MGAT4C: variants seen among roughly 807,000 people sequenced by gnomAD.
The protein encoded by MGAT4C is MGAT4 family member C, also known as alpha-1,3-mannosyl-glycoprotein 4-beta-N-acetylglucosaminyltransferase C.
A neutral mutation model predicts 40.1 loss-of-function variants in MGAT4C; 19 were observed. That is an observed-to-expected ratio of 0.47 (90% CI 0.33 to 0.70). The LOEUF (loss-of-function observed/expected upper bound fraction) is 0.70, where lower values mean the gene tolerates loss of function less well. MGAT4C is among the 30% of genes least tolerant of loss of function. The pLI is 0.02. For synonymous variants in MGAT4C, 181 were observed against 187.1 expected (o/e 0.97, Z 0.27); for missense variants, 491 against 563.2 (o/e 0.87, Z 1.30).
At chr12:86,684,373 A>G (rs183956083) in intron 2 of MGAT4C, among the ~76,000 whole-genome samples, 1 of 152,196 alleles carries the variant, frequency 6.6e-6, no homozygotes, top group Non-Finnish European at 1.5e-5. Context: ...ATTAATTTTT[A>G]TGGCAGCATA....
At chr12:86,079,448 C>G (rs539388341) in intron 1 of MGAT4C, among the ~76,000 whole-genome samples, 2 of 152,238 alleles carry the variant, frequency 1.3e-5, no homozygotes, top group African/African-American at 4.8e-5. Flanking sequence ...AAATTCTGGA[C>G]TATGAGATCA....
chr12:86,772,027 A>G (rs1393727683), intron 1 of MGAT4C, among the ~76,000 whole-genome samples: 1 of 152,180 alleles, frequency 6.6e-6, no homozygotes, highest in East Asian at 1.9e-4. Flanking sequence ...AAAAGGAAGC[A>G]GTATCTGAAG....
chr12:86,782,331 G>A (rs1165673677), intron 1 of MGAT4C, among the ~76,000 whole-genome samples: 10 of 151,670 alleles, frequency 6.6e-5, no homozygotes, highest in Non-Finnish European at 1.2e-4. Context: ...ACAGGCGCCC[G>A]CCACTACGCC....
chr12:86,691,759 C>T (rs1950177313), intron 2 of MGAT4C, among the ~76,000 whole-genome samples: 1 of 151,740 alleles, frequency 6.6e-6, no homozygotes, highest in Admixed American at 6.6e-5. Flanking sequence ...AAACACACAC[C>T]CACATAAAAA....
intron 3 of MGAT4C, among the ~76,000 whole-genome samples, chr12:86,344,716 C>CGG (rs1187378587): frequency 3.2e-5 from 3 of 94,038 alleles, no homozygotes; most frequent in Admixed American, 1.2e-4. Flanking sequence ...TATCTCTTCT[C>CGG]GGTGTGTGTG....
intron 3 of MGAT4C, among the ~76,000 whole-genome samples, chr12:86,364,286 C>T (rs1955545026): frequency 6.6e-6 from 1 of 152,042 alleles, no homozygotes; most frequent in South Asian, 2.1e-4. Context: ...AACAATATCC[C>T]TCATGAACAT....
intron 2 of MGAT4C, among the ~76,000 whole-genome samples, chr12:86,705,705 T>C (rs577787855): frequency 9.9e-5 from 15 of 152,186 alleles, no homozygotes; most frequent in Non-Finnish European, 7.4e-5. Flanking sequence ...TTAGCATTGA[T>C]ATTTATGAAG....
At position 86,426,840 on chromosome 12, in the gene MGAT4C, G is replaced by A. The variant is rs373824166; in HGVS notation, c.-120+8317C>T. On this transcript the variant is annotated intron_variant, in intron 3 of 7. Transcript: ENST00000548651. The stretch of plus-strand genomic sequence containing the variant: ...CGGGCGCCTGTAGTCCCAGCCACTC[G>A]GGAGGCTGAGGCAGGAGAATGGCGT... 6.6e-5 allele frequency among the ~76,000 whole-genome samples: 10 copies of A among 152,104 alleles called. No individual in the cohort carries two copies. In the South Asian group the frequency reaches 1.0e-3, roughly 16 times the overall value.
intron 3 of MGAT4C, among the ~76,000 whole-genome samples, chr12:85,989,178 G>A (rs1443527800): frequency 6.6e-6 from 1 of 151,776 alleles, no homozygotes; most frequent in Admixed American, 6.6e-5. Flanking sequence ...GTACATATTT[G>A]GAGCACAAAA....
chr12:86,107,568 T>G (rs1022122301), intron 1 of MGAT4C, among the ~76,000 whole-genome samples: 7 of 152,274 alleles, frequency 4.6e-5, no homozygotes, highest in Admixed American at 3.3e-4. Context: ...TATAAAAAGT[T>G]TTTTCTTAGG....
chr12:86,031,633 C>T (rs940010951), intron 2 of MGAT4C, among the ~76,000 whole-genome samples: 1 of 151,800 alleles, frequency 6.6e-6, no homozygotes, highest in East Asian at 1.9e-4. Context: ...GGAAAATCAA[C>T]GTTCTAGCAG....
intron 2 of MGAT4C, among the ~76,000 whole-genome samples, chr12:86,018,375 A>G (rs1226376865): frequency 6.6e-6 from 1 of 152,180 alleles, no homozygotes; most frequent in African/African-American, 2.4e-5. Flanking sequence ...CGTCAGGGAA[A>G]ACATGAAAGA....
At chr12:86,740,430 T>C (rs1951050477) in intron 1 of MGAT4C, among the ~76,000 whole-genome samples, 1 of 151,280 alleles carries the variant, frequency 6.6e-6, no homozygotes, top group South Asian at 2.1e-4. Flanking sequence ...TGAAATAAAA[T>C]TGAAAGACTA....
At chr12:86,614,904 G>A (rs770922726) in intron 2 of MGAT4C, among the ~76,000 whole-genome samples, 166 of 151,928 alleles carry the variant, frequency 1.1e-3, no homozygotes, top group Non-Finnish European at 1.8e-3. Flanking sequence ...CAGACCCATC[G>A]AAACTTGTAA....
At chr12:86,205,950 C>CAAA (rs58201797) in intron 1 of MGAT4C, among the ~76,000 whole-genome samples, 1 of 149,118 alleles carries the variant, frequency 6.7e-6, no homozygotes, top group Admixed American at 6.7e-5. Context: ...ATGCTTCCAC[C>CAAA]AAAAAAAAAA....
In MGAT4C at chr12:86,118,143, C is replaced by A. The variant is rs536481497; in HGVS notation, c.-56-68420G>T. 2.5e-4 allele frequency among the ~76,000 whole-genome samples: 38 copies of A among 152,122 alleles called. No individual in the cohort carries two copies. In the South Asian group the frequency reaches 7.5e-3, roughly 30 times the overall value. On this transcript the variant is annotated intron_variant, in intron 1 of 4. Transcript: ENST00000611864. ...ATGAATAACATTTTCTGATTATTTC[C>A]CAAGGGGATCGAATGCCATTTCCTA...
Position 86,579,736 on chromosome 12 carries a change from T to C in MGAT4C, c.-228-144471A>G, listed in dbSNP as rs908637674. ...TTTAGCATTTCTTGTAGGACAAGTC[T>C]GGTATTGATGAAATCTAGCAGGTTT... On this transcript the variant is annotated intron_variant, in intron 2 of 7. Coordinates refer to the MGAT4C transcript ENST00000548651. Among the ~76,000 whole-genome samples, 6 of 151,598 alleles carry C rather than the reference T, an allele frequency of 4.0e-5. No individual in the cohort carries two copies. The South Asian group carries it at 1.2e-3, about 31-fold the overall frequency.
intron 1 of MGAT4C, among the ~76,000 whole-genome samples, chr12:86,737,085 ATCTCATT>A (rs1415840395): frequency 6.7e-6 from 1 of 150,312 alleles, no homozygotes; most frequent in Non-Finnish European, 1.5e-5. Context: ...TCCAGCTATT[ATCTCATT>A]TCTCTTCTAT....
chr12:86,493,694 G>T (rs935857807), intron 2 of MGAT4C, among the ~76,000 whole-genome samples: 7 of 151,856 alleles, frequency 4.6e-5, no homozygotes, highest in Admixed American at 3.3e-4. Context: ...TATACCTAAT[G>T]CTATATGACG....
Sources: allele counts gnomAD v4.1 joint callset (sites outside exome capture counted in the v4.1 genomes callset), GRCh38; gene constraint gnomAD v4.1.1; transcripts MANE v1.5; gene names NCBI Gene and HGNC (gene_info 2026-07-23, HGNC 2026-07-21).